Variants in SLCO1B3 observed in about 807,000 individuals in gnomAD.
SLCO1B3 encodes solute carrier organic anion transporter family member 1B3.
SLCO1B3 carries 72 observed loss-of-function variants against 71.8 expected under a neutral mutation model. The observed-to-expected ratio is 1.00, with a 90% CI of 0.83 to 1.22. The LOEUF is 1.22. Among genes scored for constraint, SLCO1B3 ranks in the 50% most tolerant of loss-of-function variants. The pLI is 0.00. For missense variants in SLCO1B3, 911 were observed against 819.7 expected, an observed-to-expected ratio of 1.11 and a Z score of -1.36; for synonymous variants, 298 against 278.4, an observed-to-expected ratio of 1.07 and a Z score of -0.70.
chr12:20,821,750 C>T (rs568420770), intron 3 of SLCO1B3, among the ~76,000 whole-genome samples: 11 of 152,080 alleles, frequency 7.2e-5, no homozygotes, highest in African/African-American at 2.7e-4. Flanking sequence ...GGTGAAGGAC[C>T]AAGGCAGGCA....
At position 20,880,846 on chromosome 12, in the gene SLCO1B3, TA is replaced by T. The variant is rs1411650521; in HGVS notation, c.1332-8del. The T allele has an allele frequency of 6.4e-7, 1 of 1,561,634 alleles. No individual in the cohort carries two copies. Among genetic ancestry groups the T allele is most frequent in the Non-Finnish European group, 8.8e-7 (1 of 1,141,404 alleles). On this transcript the variant is annotated splice_polypyrimidine_tract_variant and splice_region_variant and intron_variant, in intron 11 of 15. Transcript: ENST00000381545. ...CTTTTTTTGATATATTTCTATCATATATTTTCAGAAATAATTCAGTGGCATC... is the reference window on the plus strand; with the variant it reads ...CTTTTTTTGATATATTTCTATCATATTTTTCAGAAATAATTCAGTGGCATC...
In SLCO1B3 at chr12:20,858,527, A is replaced by C; in HGVS notation, c.315A>C (p.Gly105=). ...KLIGIGCLLM[G]TGSILTSLPH... ...TTGGAATTGGTTGTCTCCTTATGGG[A>C]ACTGGAAGTATTTTGACATCTTTAC... is the stretch of plus-strand genomic sequence containing the variant. Residue 105 remains glycine, a synonymous_variant, in exon 5 of 16, where the codon GGA becomes GGC. Coordinates refer to ENST00000381545, the MANE Select transcript of SLCO1B3 (RefSeq NM_019844.4). 1 of 1,604,348 alleles carries C rather than the reference A, an allele frequency of 6.2e-7. No individual in the cohort carries two copies. The highest frequency in any genetic ancestry group is 8.5e-7 in the Non-Finnish European group (1 of 1,171,230).
At chr12:20,913,636 T>C (rs1454957454) in intron 15 of SLCO1B3, among the ~76,000 whole-genome samples, 1 of 152,240 alleles carries the variant, frequency 6.6e-6, no homozygotes, top group Non-Finnish European at 1.5e-5. Context: ...TTTTGATTAA[T>C]GTTATCAGTG....
intron 15 of SLCO1B3, 93 bp downstream of exon 15, chr12:20,901,560 A>G (rs1453946412): frequency 9.4e-6 from 6 of 639,328 alleles, no homozygotes. Context: ...CGTAATATTA[A>G]TGATAGCTAC....
At chr12:20,849,747 ATTAC>A (rs1864987083) in intron 3 of SLCO1B3, among the ~76,000 whole-genome samples, 1 of 150,674 alleles carries the variant, frequency 6.6e-6, no homozygotes, top group Admixed American at 6.6e-5. Flanking sequence ...ACACACACAT[ATTAC>A]TTGTGTTTCT....
intron 8 of SLCO1B3, among the ~76,000 whole-genome samples, chr12:20,865,551 C>G (rs1865356384): frequency 6.6e-6 from 1 of 151,998 alleles, no homozygotes; most frequent in East Asian, 1.9e-4. Context: ...ACAATTGAAC[C>G]TTGAACAGCA....
Position 20,916,152 on chromosome 12 carries a change from G to T in SLCO1B3, c.2014G>T (p.Glu672Ter). 4.3e-6 allele frequency: 7 copies of T among 1,613,214 alleles called. No homozygotes were observed. The highest frequency in any genetic ancestry group is 5.1e-6 in the Non-Finnish European group (6 of 1,179,364). ...AAAAGTAATGGATGAAGCAAACTTA[G>T]AATTCTTAAATAATGGTGAACATTT... ...ERKVMDEANLEFLNNGEHFVP... is the reference protein window; with the variant it reads ...ERKVMDEANL The change falls in exon 16 of 16, where the codon GAA becomes TAA. Residue 672 changes from glutamate (E) to a stop codon, truncating the protein, a stop_gained. Transcript: ENST00000381545. LOFTEE classifies it low-confidence loss of function (END_TRUNC).
intron 3 of SLCO1B3, among the ~76,000 whole-genome samples, chr12:20,818,433 T>C (rs1313461265): frequency 1.3e-5 from 2 of 152,140 alleles, no homozygotes; most frequent in Admixed American, 6.5e-5. Context: ...TCAGACCCTA[T>C]AGGAAAGGCC....
In SLCO1B3 at chr12:20,834,979, A is replaced by G. The variant is rs145519317; in HGVS notation, c.84+19157A>G. Among the ~76,000 whole-genome samples, 1,030 of 152,262 alleles carry G rather than the reference A, an allele frequency of 6.8e-3. 8 individuals carry two copies. Among genetic ancestry groups the G allele is most frequent in the Non-Finnish European group, 8.3e-3 (567 of 68,024 alleles). The stretch of plus-strand genomic sequence containing the variant: ...GAAGCACACCTCTGCCTGACATCCA[A>G]GCATTTCTATACATCCTCTGAAATC... On this transcript the variant is annotated intron_variant, in intron 3 of 15. Transcript: ENST00000381545.
intron 3 of SLCO1B3, among the ~76,000 whole-genome samples, chr12:20,834,935 C>G (rs1437176820): frequency 2.0e-5 from 3 of 152,188 alleles, no homozygotes; most frequent in Non-Finnish European, 4.4e-5. Context: ...TGAAATTTCT[C>G]CATGAGGGCT....
intron 3 of SLCO1B3, among the ~76,000 whole-genome samples, chr12:20,836,604 C>T (rs890222915): frequency 1.3e-5 from 2 of 152,062 alleles, no homozygotes; most frequent in Non-Finnish European, 1.5e-5. Context: ...GTATAATTCA[C>T]CAGTGAAACT....
intron 8 of SLCO1B3, among the ~76,000 whole-genome samples, chr12:20,868,614 CTT>C (rs1865416118): frequency 6.6e-6 from 1 of 151,764 alleles, no homozygotes. Context: ...TGGTGGGTCT[CTT>C]ACTGTGTGCG....
At chr12:20,839,045 A>G (rs1309283848) in intron 3 of SLCO1B3, among the ~76,000 whole-genome samples, 1 of 151,944 alleles carries the variant, frequency 6.6e-6, no homozygotes, top group Non-Finnish European at 1.5e-5. Flanking sequence ...AAATTACACC[A>G]TACTGCTTCA....
Position 20,916,372 on chromosome 12 carries a change from A to G in SLCO1B3, c.*125A>G, listed in dbSNP as rs945078156. The G allele has an allele frequency of 2.3e-6, 2 of 866,664 alleles. No individual in the cohort carries two copies. The highest frequency in any genetic ancestry group is 5.1e-5 in the Admixed American group (2 of 39,452). The allele number at this position is 866,664 out of a possible 1,614,324, so 53.7% of individuals were successfully genotyped here. ...ATGCATCTATAATAAACTATAAAAA[A>G]TGGGAGTACCCATGGTTAGGATATA... On this transcript the variant is annotated 3_prime_UTR_variant, in exon 16 of 16. Transcript: ENST00000381545.
intron 3 of SLCO1B3, among the ~76,000 whole-genome samples, chr12:20,835,866 G>A (rs957534651): frequency 2.6e-5 from 4 of 152,158 alleles, no homozygotes; most frequent in Non-Finnish European, 5.9e-5. Context: ...CTGTAGCAAT[G>A]CCCCTCAGTA....
At chr12:20,899,496 G>A (rs932259570) in intron 14 of SLCO1B3, among the ~76,000 whole-genome samples, 4 of 152,172 alleles carry the variant, frequency 2.6e-5, no homozygotes, top group African/African-American at 9.7e-5. Flanking sequence ...TACATGAAGT[G>A]TATTCGGTGA....
intron 3 of SLCO1B3, among the ~76,000 whole-genome samples, chr12:20,817,152 G>A (rs796264758): frequency 3.3e-5 from 5 of 152,272 alleles, no homozygotes; most frequent in African/African-American, 1.2e-4. Flanking sequence ...TCTGTGGGTT[G>A]TCTCTTCACT....
chr12:20,818,920 G>A, intron 3 of SLCO1B3, among the ~76,000 whole-genome samples: 1 of 152,234 alleles, frequency 6.6e-6, no homozygotes, highest in East Asian at 1.9e-4. Flanking sequence ...AGGAACAATG[G>A]TAATTGTGGG....
chr12:20,896,087 C>G (rs927834807), intron 13 of SLCO1B3, among the ~76,000 whole-genome samples: 1 of 152,186 alleles, frequency 6.6e-6, no homozygotes, highest in Admixed American at 6.5e-5. Flanking sequence ...CACAGGGACC[C>G]TGGGCCTGGC....
Sources: allele counts gnomAD v4.1 joint callset (sites outside exome capture counted in the v4.1 genomes callset), GRCh38; gene constraint gnomAD v4.1.1; transcripts MANE v1.5; gene names NCBI Gene and HGNC (gene_info 2026-07-23, HGNC 2026-07-21).